AKT2: variants seen among roughly 807,000 people sequenced by gnomAD.
AKT2 encodes the protein AKT serine/threonine kinase 2.
AKT2 carries 16 observed loss-of-function variants against 58.6 expected under a neutral mutation model. The ratio of observed to expected loss-of-function variants is 0.27; its 90% CI spans 0.18 to 0.41. The LOEUF (loss-of-function observed/expected upper bound fraction) is 0.41, where lower values mean the gene tolerates loss of function less well. Among genes scored for constraint, AKT2 ranks in the 10% least tolerant of loss-of-function variants. The pLI, the probability that AKT2 is intolerant of heterozygous loss-of-function variation, is 1.00. For missense variants in AKT2, 438 were observed against 661.0 expected (o/e 0.66, Z 3.70); for synonymous variants, 253 against 254.0 (o/e 1.00, Z 0.04).
At chr19:40,256,819 A>G in intron 3 of AKT2, 107 bp downstream of exon 3, 1 of 1,538,648 alleles carries the variant, frequency 6.5e-7, no homozygotes, top group African/African-American at 1.4e-5. Context: ...AAGGGCAAGC[A>G]GGCCCAGGAC....
chr19:40,250,935 G>T (rs537277484), intron 4 of AKT2, among the ~76,000 whole-genome samples: 1 of 152,214 alleles, frequency 6.6e-6, no homozygotes, highest in Admixed American at 6.5e-5. Context: ...GGGTGTGGTG[G>T]TTTGTGCCTA....
Position 40,275,581 on chromosome 19 carries a change from G to T in AKT2, c.-85+9600C>A, listed in dbSNP as rs1312104313. 6 of 333,418 alleles carry T rather than the reference G, an allele frequency of 1.8e-5. No individual in the cohort carries two copies. In the Admixed American group the frequency reaches 2.3e-4, roughly 13 times the overall value. The allele number at this position is 333,418 out of a possible 1,614,324, so 20.7% of individuals were successfully genotyped here. A position where few individuals can be genotyped will look rare whatever the true frequency, so the allele number is the denominator to read the frequency against. On this transcript the variant is annotated intron_variant, in intron 1 of 13. Transcript: ENST00000392038. ...CAGGAGAGGGACCGCAACCAGAGCA[G>T]AACTAGCCCACAGACCTTTCCATAA...
At chr19:40,285,009 G>C (rs1217369808) in intron 1 of AKT2, 172 bp downstream of exon 1, 7 of 370,352 alleles carry the variant, frequency 1.9e-5, no homozygotes, top group Non-Finnish European at 3.4e-5. Context: ...GGCCCCCCGA[G>C]GCTGGTCCCA....
chr19:40,274,729 A>G (rs1055729806), intron 1 of AKT2: 2 of 291,500 alleles, frequency 6.9e-6, no homozygotes, highest in African/African-American at 4.3e-5. Flanking sequence ...GGGGAGGAGC[A>G]GGGCTGAGGC....
chr19:40,257,144 C>T, intron 2 of AKT2, 90 bp from the exon 3 acceptor site: 2 of 1,520,544 alleles, frequency 1.3e-6, no homozygotes, highest in South Asian at 1.1e-5. Context: ...GTGACGGTGA[C>T]TCACAAGGGG....
rs1381723432 is a variant in AKT2 at position 40,232,518 on chromosome 19, A to G, written c.*1354T>C. On this transcript the variant is annotated 3_prime_UTR_variant, in exon 14 of 14. Coordinates refer to ENST00000392038, the MANE Select transcript of AKT2 (RefSeq NM_001626.6). ...GTGTAGTACAGGAGATGGGATAGGG[A>G]GAGCAAACCCACAAAAGCTAAACTC... is the stretch of plus-strand genomic sequence containing the variant. 1 of 220,056 alleles carries G rather than the reference A, an allele frequency of 4.5e-6. No individual in the cohort carries two copies. The highest frequency in any genetic ancestry group is 9.0e-6 in the Non-Finnish European group (1 of 110,780). The allele number at this position is 220,056 out of a possible 1,614,324, so 13.6% of individuals were successfully genotyped here. A position where few individuals can be genotyped will look rare whatever the true frequency, so the allele number is the denominator to read the frequency against.
chr19:40,237,115 G>C lies in AKT2; in HGVS notation c.832-730C>G, dbSNP rs1193981863. ...GCCTATGAGACGCGTCCACACTGTC[G>C]TGTGTAGCTGTAGCTCATTCCTAAC... On this transcript the variant is annotated intron_variant, in intron 9 of 13. Coordinates refer to ENST00000392038, the MANE Select transcript of AKT2 (RefSeq NM_001626.6). This position sits in a 1 kb window ranked among gnomAD's most constrained non-coding sequence, Gnocchi z 4.5. 6.4e-6 allele frequency: 1 copy of C among 156,326 alleles called. No homozygotes were observed. The allele number at this position is 156,326 out of a possible 1,614,324, so 9.7% of individuals were successfully genotyped here.
Position 40,231,874 on chromosome 19 carries a change from G to T in AKT2, c.*1998C>A, listed in dbSNP as rs1010891269. The T allele has an allele frequency of 1.2e-4, 29 of 233,324 alleles. No homozygotes were observed. Among genetic ancestry groups the T allele is most frequent in the Non-Finnish European group, 2.0e-4 (24 of 118,166 alleles). 14.5% of individuals were successfully genotyped at this position (233,324 alleles called of 1,614,324 possible). On this transcript the variant is annotated 3_prime_UTR_variant, in exon 14 of 14. Coordinates refer to ENST00000392038, the MANE Select transcript of AKT2 (RefSeq NM_001626.6). Reference sequence around the variant, plus strand: ...CCACTGGGTCTGTACTGGAATTTGGGGGCCTCAAGGCTTCCAGGTGGCAGC... The same window carrying T: ...CCACTGGGTCTGTACTGGAATTTGGTGGCCTCAAGGCTTCCAGGTGGCAGC...
intron 4 of AKT2, among the ~76,000 whole-genome samples, chr19:40,246,650 ATCT>A (rs1410882638): frequency 1.3e-5 from 2 of 152,252 alleles, no homozygotes; most frequent in Non-Finnish European, 2.9e-5. Flanking sequence ...GCGTGGTATC[ATCT>A]TTGTTTTCAA....
In AKT2 at chr19:40,256,955, A is replaced by T. The variant is rs201917021; in HGVS notation, c.146T>A (p.Leu49Gln). The T allele has an allele frequency of 1.7e-5, 27 of 1,614,062 alleles. No homozygotes were observed. Among genetic ancestry groups the T allele is most frequent in the Non-Finnish European group, 2.1e-5 (25 of 1,179,996 alleles). The part of the protein sequence containing the change: ...KERPEAPDQT[L>Q]PPLNNFSVAE... ...TACGGAGAAGTTGTTTAAGGGGGGT[A>T]GAGTCTGATCAGGGGCCTCGGGCCT... Residue 49 changes from leucine (L) to glutamine (Q), a missense_variant, in exon 3 of 14, where the codon CTA becomes CAA. Physicochemically the swap from Leu to Gln is moderately radical, Grantham distance 113. Coordinates refer to ENST00000392038, the MANE Select transcript of AKT2 (RefSeq NM_001626.6).
At chr19:40,249,325 A>G (rs1600020867) in intron 4 of AKT2, among the ~76,000 whole-genome samples, 1 of 152,164 alleles carries the variant, frequency 6.6e-6, no homozygotes, top group Admixed American at 6.5e-5. Flanking sequence ...TAAGAAAGGT[A>G]CCAGTGCTGC....
chr19:40,236,007 T>C lies in AKT2; in HGVS notation c.1058A>G (p.Gln353Arg), dbSNP rs1195945663. 6.2e-7 allele frequency: 1 copy of C among 1,613,994 alleles called. No individual in the cohort carries two copies. The highest frequency in any genetic ancestry group is 2.2e-5 in the East Asian group (1 of 44,882). The change falls in exon 11 of 14, where the codon CAG (glutamine) becomes CGG (arginine). Residue 353 changes from glutamine (Q) to arginine (R), a missense_variant. Physicochemically the swap from Gln to Arg is conservative, Grantham distance 43. This residue lies in a region of AKT2 where 148 missense variants were observed against 199.5 expected (regional missense o/e 0.74). Coordinates refer to ENST00000392038, the MANE Select transcript of AKT2 (RefSeq NM_001626.6). Reference sequence around the variant, plus strand: ...GAGCTCGAAGAGGCGCTCGTGGTCCTGGTTGTAGAAGGGCAGGCGGCCGCA... The same window carrying C: ...GAGCTCGAAGAGGCGCTCGTGGTCCCGGTTGTAGAAGGGCAGGCGGCCGCA... ...MMCGRLPFYN[Q>R]DHERLFELIL...
intron 1 of AKT2, among the ~76,000 whole-genome samples, chr19:40,284,218 G>A (rs1478423099): frequency 2.0e-5 from 3 of 152,070 alleles, no homozygotes; most frequent in Non-Finnish European, 1.5e-5. Flanking sequence ...GGGGGAAGAG[G>A]TGTTCCCCCA....
intron 1 of AKT2, 174 bp downstream of exon 1, chr19:40,285,007 G>A (rs2077488760): frequency 3.6e-6 from 1 of 279,070 alleles, no homozygotes; most frequent in South Asian, 1.8e-4. Flanking sequence ...CCGGCCCCCC[G>A]AGGCTGGTCC....
At chr19:40,239,930 C>T in intron 7 of AKT2, 115 bp downstream of exon 7, 1 of 1,329,928 alleles carries the variant, frequency 7.5e-7, no homozygotes, top group Non-Finnish European at 1.1e-6. Flanking sequence ...AACACCTTGC[C>T]CTGCCCGCCT....
intron 3 of AKT2, 38 bp downstream of exon 3, chr19:40,256,888 G>A (rs1483148151): frequency 4.3e-6 from 7 of 1,613,234 alleles, no homozygotes; most frequent in African/African-American, 4.0e-5. Context: ...GCCATCCTGT[G>A]AGCACCAGAA....
At chr19:40,240,390 G>A (rs930047559) in intron 6 of AKT2, 1 of 651,158 alleles carries the variant, frequency 1.5e-6, no homozygotes, top group African/African-American at 1.8e-5. Flanking sequence ...GTCCCTGCAA[G>A]GGAGACAAAC....
intron 2 of AKT2, among the ~76,000 whole-genome samples, chr19:40,259,912 G>C (rs1484026566): frequency 6.6e-6 from 1 of 152,202 alleles, no homozygotes; most frequent in African/African-American, 2.4e-5. Flanking sequence ...CAGCACTTTG[G>C]GAGGTCGAGG....
chr19:40,255,312 C>T, intron 3 of AKT2, 43 bp from the exon 4 acceptor site: 1 of 1,543,744 alleles, frequency 6.5e-7, no homozygotes, highest in South Asian at 1.1e-5. Context: ...GAGGGGATAG[C>T]CCTGCTAGCC....
Sources: gnomAD v4.1 joint callset for allele counts (sites outside exome capture counted in the v4.1 genomes callset) on GRCh38, gnomAD v4.1.1 for gene constraint, gnomAD v4.1.1 regional missense constraint, Gnocchi (gnomAD v3.1) non-coding constraint, MANE v1.5 for transcripts, NCBI Gene and HGNC (gene_info 2026-07-23, HGNC 2026-07-21) for gene names.